Variants in PLCB4 observed in about 807,000 individuals in gnomAD.
PLCB4 encodes the protein phospholipase C beta 4.
A neutral mutation model predicts 178.8 loss-of-function variants in PLCB4; 77 were observed. The observed-to-expected ratio is 0.43, with a 90% CI of 0.36 to 0.52. The LOEUF is 0.52. Among genes scored for constraint, PLCB4 ranks in the 20% least tolerant of loss-of-function variants. PLCB4 has a pLI of 0.00. For synonymous variants in PLCB4, 496 were observed against 490.8 expected (o/e 1.01, Z -0.14); for missense variants, 1,024 against 1,453.4 (o/e 0.70, Z 4.80).
chr20:9,351,476 C>A (rs2034336905), intron 7 of PLCB4, among the ~76,000 whole-genome samples: 1 of 152,050 alleles, frequency 6.6e-6, no homozygotes, highest in African/African-American at 2.4e-5. Context: ...CTAGAAGTAT[C>A]AAAACAATGA....
intron 2 of PLCB4, among the ~76,000 whole-genome samples, chr20:9,214,547 C>T (rs2093707381): frequency 6.9e-6 from 1 of 144,028 alleles, no homozygotes; most frequent in African/African-American, 2.7e-5. Flanking sequence ...GGAAGACATA[C>T]ATAAACACCC....
chr20:9,396,275 G>A (rs2038579674), intron 19 of PLCB4, among the ~76,000 whole-genome samples: 1 of 152,180 alleles, frequency 6.6e-6, no homozygotes, highest in South Asian at 2.1e-4. Context: ...ACTTGAGTCT[G>A]TTAATGATGA....
At chr20:9,346,162 A>G (rs2033775356) in intron 7 of PLCB4, among the ~76,000 whole-genome samples, 1 of 152,216 alleles carries the variant, frequency 6.6e-6, no homozygotes, top group African/African-American at 2.4e-5. Context: ...ATTATACTGT[A>G]TAGGCCAGTG....
intron 4 of PLCB4, among the ~76,000 whole-genome samples, chr20:9,323,399 T>C (rs557873467): frequency 9.8e-5 from 15 of 152,362 alleles, no homozygotes; most frequent in Non-Finnish European, 1.6e-4. Flanking sequence ...GAAGTCCTTC[T>C]AGAAGATAAG....
chr20:9,143,202 C>T (rs550624231), intron 2 of PLCB4, among the ~76,000 whole-genome samples: 2 of 152,150 alleles, frequency 1.3e-5, no homozygotes, highest in Non-Finnish European at 2.9e-5. Flanking sequence ...AATATCTAGA[C>T]CATTGGCTGA....
intron 7 of PLCB4, among the ~76,000 whole-genome samples, chr20:9,348,586 G>A (rs2034039290): frequency 6.6e-6 from 1 of 152,116 alleles, no homozygotes; most frequent in African/African-American, 2.4e-5. Flanking sequence ...GCTCTGTTCT[G>A]TCTCTGTGGC....
intron 3 of PLCB4, among the ~76,000 whole-genome samples, chr20:9,289,201 A>T (rs2094559632): frequency 6.6e-6 from 1 of 152,164 alleles, no homozygotes; most frequent in Admixed American, 6.6e-5. Context: ...CACCAGTATT[A>T]AATATAGGCA....
At chr20:9,467,063 A>C (rs2043834993) in intron 35 of PLCB4, among the ~76,000 whole-genome samples, 1 of 152,260 alleles carries the variant, frequency 6.6e-6, no homozygotes, top group Non-Finnish European at 1.5e-5. Context: ...GATTAAAAAA[A>C]TGTGGCACAT....
intron 3 of PLCB4, among the ~76,000 whole-genome samples, chr20:9,269,472 T>C (rs2094381569): frequency 6.6e-6 from 1 of 152,164 alleles, no homozygotes; most frequent in Non-Finnish European, 1.5e-5. Flanking sequence ...AGAGATAATA[T>C]GTTCAACTAT....
intron 3 of PLCB4, among the ~76,000 whole-genome samples, chr20:9,240,100 C>T (rs2094041639): frequency 6.6e-6 from 1 of 152,138 alleles, no homozygotes; most frequent in African/African-American, 2.4e-5. Flanking sequence ...CACTGAGGTA[C>T]AATACTTTGC....
chr20:9,197,910 G>T (rs2147171984), intron 2 of PLCB4, among the ~76,000 whole-genome samples: 1 of 152,274 alleles, frequency 6.6e-6, no homozygotes, highest in African/African-American at 2.4e-5. Context: ...GGGAGGCAGA[G>T]GTTGCAGTGA....
chr20:9,454,697 G>T (rs2042958198), intron 33 of PLCB4, among the ~76,000 whole-genome samples: 1 of 152,184 alleles, frequency 6.6e-6, no homozygotes, highest in South Asian at 2.1e-4. Flanking sequence ...CGAAATTTCA[G>T]ATCCCAAGAT....
intron 22 of PLCB4, 21 bp downstream of exon 22, chr20:9,408,079 C>A: frequency 1.3e-6 from 2 of 1,586,206 alleles, no homozygotes; most frequent in South Asian, 1.2e-5. Context: ...AGGTTAAATG[C>A]AGTCGCCTTT....
intron 2 of PLCB4, among the ~76,000 whole-genome samples, chr20:9,119,258 CA>C (rs1457887833): frequency 7.2e-5 from 11 of 152,244 alleles, no homozygotes; most frequent in South Asian, 4.1e-4. Flanking sequence ...TTCAAATTTT[CA>C]GCTGTATTGA....
At chr20:9,244,687 C>G (rs993834605) in intron 3 of PLCB4, among the ~76,000 whole-genome samples, 4 of 152,064 alleles carry the variant, frequency 2.6e-5, no homozygotes, top group African/African-American at 9.7e-5. Context: ...TTTAGGTGGA[C>G]TTTTTTTGTT....
chr20:9,164,140 A>T (rs898755403), intron 2 of PLCB4, among the ~76,000 whole-genome samples: 2 of 152,188 alleles, frequency 1.3e-5, no homozygotes, highest in Non-Finnish European at 2.9e-5. Context: ...AACATCCCAG[A>T]CTGTAGCCAT....
At chr20:9,165,793 TTGTGTGTGTGTGTGTGTGTG>T (rs3036061) in intron 2 of PLCB4, among the ~76,000 whole-genome samples, 1 of 139,650 alleles carries the variant, frequency 7.2e-6, no homozygotes, top group Non-Finnish European at 1.6e-5. Context: ...CTGGGGCTGT[TTGTGTGTGTGTGTGTGTGTG>T]TGTGTGTGTG....
At chr20:9,381,932 T>C (rs1342619581) in intron 13 of PLCB4, among the ~76,000 whole-genome samples, 2 of 152,182 alleles carry the variant, frequency 1.3e-5, no homozygotes, top group Non-Finnish European at 2.9e-5. Context: ...GTACCTGAGC[T>C]CATCCAAGCC....
intron 2 of PLCB4, among the ~76,000 whole-genome samples, chr20:9,186,483 A>G (rs910266885): frequency 6.6e-6 from 1 of 152,182 alleles, no homozygotes; most frequent in Non-Finnish European, 1.5e-5. Context: ...AATTCCACTT[A>G]TCTGAAACCA....
Sources: gnomAD v4.1 joint callset for allele counts (sites outside exome capture counted in the v4.1 genomes callset) on GRCh38, gnomAD v4.1.1 for gene constraint, MANE v1.5 for transcripts, NCBI Gene and HGNC (gene_info 2026-07-23, HGNC 2026-07-21) for gene names.